The following ERG28 variants were observed in gnomAD, a reference collection of about 807,000 sequenced individuals.
ERG28 encodes the protein ergosterol biosynthesis 28 homolog.
A neutral mutation model predicts 15.7 loss-of-function variants in ERG28; 9 were observed. That is an observed-to-expected ratio of 0.57 (90% CI 0.35 to 1.00). ERG28 has a LOEUF of 1.00. Ranked by LOEUF, ERG28 falls within the 50% of genes least tolerant of loss-of-function variation. The probability of loss-of-function intolerance (pLI) is 0.02; values close to 1 mark genes in which losing one functional copy is unlikely to be tolerated. For synonymous variants in ERG28, 61 were observed against 68.4 expected, an observed-to-expected ratio of 0.89 and a Z score of 0.53; for missense variants, 117 against 173.3, an observed-to-expected ratio of 0.68 and a Z score of 1.82.
intron 2 of ERG28, among the ~76,000 whole-genome samples, chr14:75,656,279 A>AACACACACAC (rs34053718): frequency 8.8e-4 from 119 of 135,974 alleles, no homozygotes; most frequent in Non-Finnish European, 1.1e-3. Context: ...GTGCTGGCTG[A>AACACACACAC]ACACACACAC....
chr14:75,657,744 T>G (rs1215908578), intron 1 of ERG28, among the ~76,000 whole-genome samples: 1 of 152,242 alleles, frequency 6.6e-6, no homozygotes, highest in Non-Finnish European at 1.5e-5. Flanking sequence ...AACTCCTTTT[T>G]CTGGGTTGGA....
Position 75,650,809 on chromosome 14 carries a change from T to A in ERG28, c.*746A>T, listed in dbSNP as rs940296503. 1 of 152,448 alleles carries A rather than the reference T, an allele frequency of 6.6e-6. No homozygotes were observed. Among genetic ancestry groups the A allele is most frequent in the African/African-American group, 2.4e-5 (1 of 41,472 alleles). The allele number at this position is 152,448 out of a possible 1,614,324, so 9.4% of individuals were successfully genotyped here. On this transcript the variant is annotated 3_prime_UTR_variant, in exon 5 of 5. Coordinates refer to ENST00000256319, the MANE Select transcript of ERG28 (RefSeq NM_007176.4). ...GTCCTACTCACTATGGTGTATTCAATCAGGCATAAAGCTGTGATTCTCCTA... is the reference window on the plus strand; with the variant it reads ...GTCCTACTCACTATGGTGTATTCAAACAGGCATAAAGCTGTGATTCTCCTA...
At chr14:75,656,410 A>T (rs958392604) in intron 2 of ERG28, among the ~76,000 whole-genome samples, 1 of 152,174 alleles carries the variant, frequency 6.6e-6, no homozygotes, top group Admixed American at 6.5e-5. Flanking sequence ...GCTAGACCAG[A>T]TGACCTCTAA....
At chr14:75,651,917 C>T (rs747083338) in intron 3 of ERG28, 28 bp from the exon 4 acceptor site, 1 of 1,546,864 alleles carries the variant, frequency 6.5e-7, no homozygotes, top group Admixed American at 1.7e-5. Context: ...GAAATGGGAA[C>T]CAAAGTTACT....
At chr14:75,655,125 T>C in intron 2 of ERG28, 149 bp from the exon 3 acceptor site, 2 of 689,722 alleles carry the variant, frequency 2.9e-6, no homozygotes, top group Non-Finnish European at 5.1e-6. Context: ...AGTGGCAACA[T>C]GGGAACTAGA....
In ERG28 at chr14:75,650,024, T is replaced by C. The variant is rs1431947251; in HGVS notation, c.*1531A>G. On this transcript the variant is annotated 3_prime_UTR_variant, in exon 5 of 5. Coordinates refer to ENST00000256319, the MANE Select transcript of ERG28 (RefSeq NM_007176.4). ...GTTAGCTGGATGTGGTGGTACACAC[T>C]TGTAGTCCCAGCTACTTGGGAAGCT... The C allele has an allele frequency of 6.6e-6, 1 of 152,316 alleles. No individual in the cohort carries two copies. The highest frequency in any genetic ancestry group is 1.5e-5 in the Non-Finnish European group (1 of 68,188). The allele number at this position is 152,316 out of a possible 1,614,324, so 9.4% of individuals were successfully genotyped here.
chr14:75,656,313 C>A (rs1239458192), intron 2 of ERG28, among the ~76,000 whole-genome samples: 1 of 144,944 alleles, frequency 6.9e-6, no homozygotes, highest in Non-Finnish European at 1.5e-5. Flanking sequence ...CACACACACA[C>A]ACACACACAC....
intron 4 of ERG28, 39 bp from the exon 5 acceptor site, chr14:75,651,673 C>T (rs376784047): frequency 4.3e-5 from 69 of 1,598,858 alleles, no homozygotes; most frequent in African/African-American, 9.4e-5. Context: ...AACATACATA[C>T]GGTACCTTTC....
rs1054546342 is a variant in ERG28, at chr14:75,650,073, C to A, written c.*1482G>T. On this transcript the variant is annotated 3_prime_UTR_variant, in exon 5 of 5. Transcript: ENST00000256319. ...CTGATGCAGGAGGATCACTTGAGCCCAGGAAGTTGAGGCTGCAGTGAGGTG... is the reference window on the plus strand; with the variant it reads ...CTGATGCAGGAGGATCACTTGAGCCAAGGAAGTTGAGGCTGCAGTGAGGTG... 3 of 152,236 alleles carry A rather than the reference C, an allele frequency of 2.0e-5. No individual in the cohort carries two copies. The highest frequency in any genetic ancestry group is 7.2e-5 in the African/African-American group (3 of 41,430). The allele number at this position is 152,236 out of a possible 1,614,324, so 9.4% of individuals were successfully genotyped here.
rs972277099 is a variant in ERG28 at position 75,651,270 on chromosome 14, T to C, written c.*285A>G. On this transcript the variant is annotated 3_prime_UTR_variant, in exon 5 of 5. Coordinates refer to ENST00000256319, the MANE Select transcript of ERG28 (RefSeq NM_007176.4). ...GCTGGAAAAGGGAGCCTGGAAGAGG[T>C]TGCAGGTAGGGGAAGGAGACACAGT... The C allele has an allele frequency of 1.5e-5, 4 of 267,992 alleles. No individual in the cohort carries two copies. The highest frequency in any genetic ancestry group is 8.8e-5 in the South Asian group (1 of 11,380). The allele number at this position is 267,992 out of a possible 1,614,324, so 16.6% of individuals were successfully genotyped here.
intron 1 of ERG28, among the ~76,000 whole-genome samples, chr14:75,660,004 T>G (rs1476449821): frequency 6.6e-6 from 1 of 152,142 alleles, no homozygotes; most frequent in Non-Finnish European, 1.5e-5. Context: ...GAGGGTCTAC[T>G]GGACATCACA....
chr14:75,658,652 A>G (rs994032260), intron 1 of ERG28, among the ~76,000 whole-genome samples: 1 of 152,236 alleles, frequency 6.6e-6, no homozygotes, highest in Non-Finnish European at 1.5e-5. Flanking sequence ...CTCCACTCCA[A>G]AGTGAACAGG....
At chr14:75,658,748 C>T (rs976286271) in intron 1 of ERG28, among the ~76,000 whole-genome samples, 7 of 151,994 alleles carry the variant, frequency 4.6e-5, no homozygotes, top group Admixed American at 1.3e-4. Context: ...TGTAACCTGT[C>T]GAATGTGTAT....
At chr14:75,654,159 T>C (rs1890566621) in intron 3 of ERG28, among the ~76,000 whole-genome samples, 1 of 152,168 alleles carries the variant, frequency 6.6e-6, no homozygotes, top group Admixed American at 6.5e-5. Flanking sequence ...GCTCAATAAA[T>C]ATTATCGCCT....
intron 3 of ERG28, among the ~76,000 whole-genome samples, chr14:75,654,167 C>A (rs1890566824): frequency 1.3e-5 from 2 of 152,194 alleles, no homozygotes; most frequent in East Asian, 1.9e-4. Flanking sequence ...AATATTATCG[C>A]CTCCTGTTTT....
intron 1 of ERG28, among the ~76,000 whole-genome samples, chr14:75,660,505 T>C (rs1594825638): frequency 6.6e-6 from 1 of 152,200 alleles, no homozygotes; most frequent in East Asian, 1.9e-4. Flanking sequence ...GTAAGAATTA[T>C]ATGACAAAAA....
Position 75,650,921 on chromosome 14 carries a change from CA to C in ERG28, c.*633del, listed in dbSNP as rs1206130231. On this transcript the variant is annotated 3_prime_UTR_variant, in exon 5 of 5. Transcript: ENST00000256319. ...GAGCAGAGGGTTTTTCTATTTATTA[CA>C]AAAGTTGTTACACAAATACAGCTGA... The C allele has an allele frequency of 6.6e-6, 1 of 152,544 alleles. No homozygotes were observed. The highest frequency in any genetic ancestry group is 6.5e-5 in the Admixed American group (1 of 15,308). The allele number at this position is 152,544 out of a possible 1,614,324, so 9.4% of individuals were successfully genotyped here. A position where few individuals can be genotyped will look rare whatever the true frequency, so the allele number is the denominator to read the frequency against.
At position 75,660,837 on chromosome 14, in the gene ERG28, C is replaced by G. The variant is rs573102212; in HGVS notation, c.-94G>C. The G allele has an allele frequency of 6.5e-6, 1 of 153,226 alleles. No homozygotes were observed. The highest frequency in any genetic ancestry group is 2.1e-4 in the South Asian group (1 of 4,860). The allele number at this position is 153,226 out of a possible 1,614,324, so 9.5% of individuals were successfully genotyped here. ...AGCCGCTGCCGCAAACAAGCTCCCC[C>G]AGGACAGCTCCAGCCCGGAGTCCAC... On this transcript the variant is annotated 5_prime_UTR_variant, in exon 1 of 5. Transcript: ENST00000256319.
At chr14:75,655,796 T>G (rs1890588765) in intron 2 of ERG28, among the ~76,000 whole-genome samples, 1 of 152,176 alleles carries the variant, frequency 6.6e-6, no homozygotes, top group South Asian at 2.1e-4. Context: ...TTTGGGTAAT[T>G]TAAATGCAAA....
Sources: gnomAD v4.1 joint callset for allele counts (sites outside exome capture counted in the v4.1 genomes callset) on GRCh38, gnomAD v4.1.1 for gene constraint, MANE v1.5 for transcripts, NCBI Gene and HGNC (gene_info 2026-07-23, HGNC 2026-07-21) for gene names.